The following PIEZO2 variants were observed in gnomAD, a reference collection of about 807,000 sequenced individuals.
PIEZO2 encodes the protein piezo type mechanosensitive ion channel component 2.
In PIEZO2, 172 loss-of-function variants were observed where a neutral mutation model predicts 337.3. That is an observed-to-expected ratio of 0.51 (90% CI 0.45 to 0.58). PIEZO2 has a LOEUF of 0.58. Ranked by LOEUF, PIEZO2 falls within the 20% of genes least tolerant of loss-of-function variation. The pLI is 0.00. For synonymous variants in PIEZO2, 1,251 were observed against 1,228.5 expected (o/e 1.02, Z -0.38); for missense variants, 3,028 against 3,391.3 (o/e 0.89, Z 2.66).
At chr18:11,090,625 C>T (rs1000451388) in intron 1 of PIEZO2, among the ~76,000 whole-genome samples, 12 of 152,160 alleles carry the variant, frequency 7.9e-5, no homozygotes, top group African/African-American at 1.4e-4. Context: ...AAATGCACAA[C>T]CATGTTATCT....
intron 52 of PIEZO2, 50 bp downstream of exon 52, chr18:10,680,149 T>C (rs757366951): frequency 8.1e-6 from 12 of 1,490,124 alleles, no homozygotes; most frequent in Non-Finnish European, 1.0e-5. Context: ...CCCAACTCCA[T>C]GTTTAGACTG....
intron 2 of PIEZO2, among the ~76,000 whole-genome samples, chr18:11,049,920 A>G (rs2037463692): frequency 6.6e-6 from 1 of 152,224 alleles, no homozygotes; most frequent in African/African-American, 2.4e-5. Context: ...CATATTTTAG[A>G]TAACACTTAT....
chr18:10,912,434 T>C (rs2030564287), intron 3 of PIEZO2, among the ~76,000 whole-genome samples: 1 of 152,194 alleles, frequency 6.6e-6, no homozygotes, highest in African/African-American at 2.4e-5. Flanking sequence ...ATAAATTGTG[T>C]TGTGCACTAG....
rs74382896 is a variant in PIEZO2 at position 11,145,359 on chromosome 18, A to G, written c.64+3166T>C. ...CTTAAAATTTATCTTATACGGAAAA[A>G]GAAAAAAAATCTGTAACCATTATAT... On this transcript the variant is annotated intron_variant, in intron 1 of 55. Coordinates refer to ENST00000674853, the MANE Select transcript of PIEZO2 (RefSeq NM_001378183.1). Among the ~76,000 whole-genome samples the G allele has an allele frequency of 3.6e-4, 42 of 116,900 alleles. No individual in the cohort carries two copies. In the East Asian group the frequency reaches 8.9e-3, roughly 25 times the overall value. 76.7% of individuals were successfully genotyped at this position (116,900 alleles called of 152,430 possible).
intron 14 of PIEZO2, 145 bp from the exon 15 acceptor site, chr18:10,789,510 C>T (rs551093722): frequency 3.4e-5 from 32 of 948,088 alleles, no homozygotes; most frequent in East Asian, 3.2e-4. Flanking sequence ...CTCATAAACT[C>T]AGCAACATTT....
chr18:10,780,027 T>C (rs2038924346), intron 18 of PIEZO2, among the ~76,000 whole-genome samples: 1 of 151,488 alleles, frequency 6.6e-6, no homozygotes, highest in South Asian at 2.1e-4. Flanking sequence ...GGGAGGGGAG[T>C]TCTCAGGCAA....
intron 4 of PIEZO2, among the ~76,000 whole-genome samples, chr18:10,910,216 A>G (rs975035602): frequency 6.6e-6 from 1 of 152,194 alleles, no homozygotes; most frequent in African/African-American, 2.4e-5. Flanking sequence ...AAAATTTGAG[A>G]TAAGATGCTA....
Position 10,834,796 on chromosome 18 carries a change from GT to G in PIEZO2, c.917+20556del, listed in dbSNP as rs1293787237. Among the ~76,000 whole-genome samples the G allele has an allele frequency of 1.3e-5, 2 of 152,152 alleles. No homozygotes were observed. The highest frequency in any genetic ancestry group is 2.9e-5 in the Non-Finnish European group (2 of 68,010). On this transcript the variant is annotated intron_variant, in intron 7 of 55. Coordinates refer to ENST00000674853, the MANE Select transcript of PIEZO2 (RefSeq NM_001378183.1). This position sits in a 1 kb window ranked among gnomAD's most constrained non-coding sequence, Gnocchi z 4.5. Reference sequence around the variant, plus strand: ...AGCCTCAGAAAGGCTCTTCCTTTAAGTTTCTTCCCCGCTAGCTTTCACAAGA... The same window carrying G: ...AGCCTCAGAAAGGCTCTTCCTTTAAGTTCTTCCCCGCTAGCTTTCACAAGA...
chr18:11,067,700 C>T (rs1047183057), intron 1 of PIEZO2, among the ~76,000 whole-genome samples: 9 of 152,120 alleles, frequency 5.9e-5, no homozygotes, highest in African/African-American at 1.9e-4. Flanking sequence ...AAGATTGGAA[C>T]ATCTACATAT....
In PIEZO2 at chr18:11,031,253, C is replaced by T. The variant is rs1179104929; in HGVS notation, c.160+34874G>A. Among the ~76,000 whole-genome samples the T allele has an allele frequency of 6.6e-6, 1 of 151,926 alleles. No homozygotes were observed. The highest frequency in any genetic ancestry group is 2.4e-5 in the African/African-American group (1 of 41,350). The stretch of plus-strand genomic sequence containing the variant: ...TGACCTCGTGATCCACCCACCTCAG[C>T]CTCCCAAAGTGCTGGGATTACAGGC... On this transcript the variant is annotated intron_variant, in intron 2 of 55. Coordinates refer to ENST00000674853, the MANE Select transcript of PIEZO2 (RefSeq NM_001378183.1). The surrounding 1 kb of genome is among the most constrained non-coding windows in gnomAD (Gnocchi z 4.7).
chr18:11,058,247 C>T (rs1250537943), intron 2 of PIEZO2, among the ~76,000 whole-genome samples: 1 of 152,202 alleles, frequency 6.6e-6, no homozygotes, highest in East Asian at 1.9e-4. Flanking sequence ...AGGGTCCTCA[C>T]TGTTAGAAGG....
intron 35 of PIEZO2, among the ~76,000 whole-genome samples, chr18:10,734,305 C>G (rs755259940): frequency 1.5e-4 from 23 of 152,110 alleles, no homozygotes; most frequent in Non-Finnish European, 2.6e-4. Context: ...GCAGAAGGAA[C>G]CTGGAGGTGT....
intron 2 of PIEZO2, among the ~76,000 whole-genome samples, chr18:11,005,475 C>T (rs756681644): frequency 5.5e-4 from 84 of 152,158 alleles, no homozygotes; most frequent in Non-Finnish European, 5.4e-4. Flanking sequence ...CTCTAGTTCA[C>T]GCAGATTGAG....
intron 3 of PIEZO2, among the ~76,000 whole-genome samples, chr18:10,948,819 G>T (rs9961393): frequency 0.046 from 7,027 of 152,260 alleles, 541 homozygotes; most frequent in African/African-American, 0.16. Flanking sequence ...ATGTGTGTAT[G>T]TTACAGAAAT....
chr18:10,779,766 G>A (rs1403223778), intron 18 of PIEZO2, among the ~76,000 whole-genome samples: 1 of 152,136 alleles, frequency 6.6e-6, no homozygotes, highest in Non-Finnish European at 1.5e-5. Flanking sequence ...GTGACATGGG[G>A]ACATCTTGGT....
Position 10,856,603 on chromosome 18 carries a change from G to T in PIEZO2, c.703+398C>A, listed in dbSNP as rs991726945. Among the ~76,000 whole-genome samples, 1 of 152,140 alleles carries T rather than the reference G, an allele frequency of 6.6e-6. No homozygotes were observed. The highest frequency in any genetic ancestry group is 2.4e-5 in the African/African-American group (1 of 41,420). Reference sequence around the variant, plus strand: ...TGGAGAGTTATATTAAGGTGACTATGGACTCATGTAAGCAGACAGACCTCC... The same window carrying T: ...TGGAGAGTTATATTAAGGTGACTATTGACTCATGTAAGCAGACAGACCTCC... On this transcript the variant is annotated intron_variant, in intron 6 of 55. Transcript: ENST00000674853. This position sits in a 1 kb window ranked among gnomAD's most constrained non-coding sequence, Gnocchi z 4.7.
chr18:10,707,971 G>A lies in PIEZO2; in HGVS notation c.5588+304C>T, dbSNP rs191888120. Among the ~76,000 whole-genome samples, 2 of 152,270 alleles carry A rather than the reference G, an allele frequency of 1.3e-5. No individual in the cohort carries two copies. Among genetic ancestry groups the A allele is most frequent in the Admixed American group, 6.5e-5 (1 of 15,298 alleles). On this transcript the variant is annotated intron_variant, in intron 40 of 55. Coordinates refer to ENST00000674853, the MANE Select transcript of PIEZO2 (RefSeq NM_001378183.1). The surrounding 1 kb of genome is among the most constrained non-coding windows in gnomAD (Gnocchi z 4.2). ...AAGCTCTAAATTATGGAGGAAACAT[G>A]CTTATGTCTCTGAAAATGGAAAGTT...
chr18:11,055,801 G>T (rs1283409678), intron 2 of PIEZO2, among the ~76,000 whole-genome samples: 1 of 152,188 alleles, frequency 6.6e-6, no homozygotes, highest in Non-Finnish European at 1.5e-5. Context: ...GCCGCGCTGG[G>T]CCTGGGCTGC....
intron 3 of PIEZO2, among the ~76,000 whole-genome samples, chr18:10,927,596 C>G (rs2031825346): frequency 6.6e-6 from 1 of 152,146 alleles, no homozygotes; most frequent in African/African-American, 2.4e-5. Flanking sequence ...TAAATTTGAA[C>G]CAGTTGAAAA....
Sources: allele counts gnomAD v4.1 joint callset (sites outside exome capture counted in the v4.1 genomes callset), GRCh38; gene constraint gnomAD v4.1.1; non-coding constraint Gnocchi (gnomAD v3.1); transcripts MANE v1.5; gene names NCBI Gene and HGNC (gene_info 2026-07-23, HGNC 2026-07-21).